Variants in TMEM171 observed in about 807,000 individuals in gnomAD.
TMEM171 encodes transmembrane protein 171, also known as proline-rich protein PRP2.
Under a neutral mutation model 19.1 loss-of-function variants are expected in TMEM171, and 16 were observed. The observed-to-expected ratio is 0.84, with a 90% CI of 0.57 to 1.27. The LOEUF is 1.27. TMEM171 is among the 50% of genes most tolerant of loss of function. TMEM171 has a pLI of 0.00. For synonymous variants in TMEM171, 153 were observed against 163.4 expected, an observed-to-expected ratio of 0.94 and a Z score of 0.48; for missense variants, 429 against 412.7, an observed-to-expected ratio of 1.04 and a Z score of -0.34.
At chr5:73,127,369 T>TAAAAAAAAAA (rs150651292) in intron 2 of TMEM171, among the ~76,000 whole-genome samples, 31 of 97,172 alleles carry the variant, frequency 3.2e-4, no homozygotes, top group East Asian at 2.0e-3. Flanking sequence ...AAATTTGTGG[T>TAAAAAAAAAA]AAAAAAAAAA....
intron 2 of TMEM171, among the ~76,000 whole-genome samples, chr5:73,127,964 C>T (rs1343921029): frequency 6.6e-6 from 1 of 151,714 alleles, no homozygotes; most frequent in Non-Finnish European, 1.5e-5. Flanking sequence ...AGGCTGGTCT[C>T]CAACTCCTGG....
At position 73,123,597 on chromosome 5, in the gene TMEM171, T is replaced by C; in HGVS notation, c.224T>C (p.Ile75Thr). Residue 75 changes from isoleucine to threonine, a missense_variant, in exon 2 of 4, where the codon ATC (isoleucine) becomes ACC (threonine). Physicochemically the swap from Ile to Thr is moderately conservative, Grantham distance 89. Coordinates refer to ENST00000454765, the MANE Select transcript of TMEM171 (RefSeq NM_173490.8). ...ACAVVGLGAV[I>T]LARSRAQLQL... The stretch of plus-strand genomic sequence containing the variant: ...GCCGTGGTTGGGCTTGGGGCTGTGA[T>C]CCTGGCCCGCTCCCGGGCGCAACTT... The C allele has an allele frequency of 6.2e-7, 1 of 1,614,206 alleles. No individual in the cohort carries two copies. The highest frequency in any genetic ancestry group is 8.5e-7 in the Non-Finnish European group (1 of 1,180,036).
At chr5:73,121,070 G>T (rs1743995127) in intron 1 of TMEM171, among the ~76,000 whole-genome samples, 1 of 152,144 alleles carries the variant, frequency 6.6e-6, no homozygotes, top group African/African-American at 2.4e-5. Flanking sequence ...GTGAATGTGG[G>T]TGTCTTTGTA....
chr5:73,124,157 T>G lies in TMEM171; in HGVS notation c.640+144T>G, dbSNP rs1744103185. 5.6e-6 allele frequency: 4 copies of G among 711,202 alleles called. No homozygotes were observed. The East Asian group carries it at 1.1e-4, about 20-fold the overall frequency. 44.1% of individuals were successfully genotyped at this position (711,202 alleles called of 1,614,324 possible). On this transcript the variant is annotated intron_variant, in intron 2 of 3. Transcript: ENST00000454765. ...GTGTGTGCACACGCACACACCCCCA[T>G]CATGTGTACATACACAATGGTGCTG...
chr5:73,120,723 C>G lies in TMEM171; in HGVS notation c.-69+27C>G, dbSNP rs573827491. The G allele has an allele frequency of 7.6e-4, 749 of 983,602 alleles. 3 individuals carry two copies. The African/African-American group carries it at 9.3e-3, about 12-fold the overall frequency. 60.9% of individuals were successfully genotyped at this position (983,602 alleles called of 1,614,324 possible). ...TAAGCTGCCCCGGCCCGCGCGCCTG[C>G]GCCGGCGGCGGCGGGTCGGGCGCTG... On this transcript the variant is annotated intron_variant, in intron 1 of 3. Coordinates refer to ENST00000454765, the MANE Select transcript of TMEM171 (RefSeq NM_173490.8).
intron 3 of TMEM171, among the ~76,000 whole-genome samples, chr5:73,130,847 C>CTAATGAT (rs1744335721): frequency 6.6e-6 from 1 of 152,112 alleles, no homozygotes; most frequent in Non-Finnish European, 1.5e-5. Flanking sequence ...TAAACTTCCC[C>CTAATGAT]AAACCCTAAA....
Position 73,123,612 on chromosome 5 carries a change from G to T in TMEM171, c.239G>T (p.Arg80Leu), listed in dbSNP as rs763675283. The change falls in exon 2 of 4, where the codon CGG (arginine) becomes CTG (leucine). Residue 80 changes from arginine (R) to leucine (L), a missense_variant. Arg to Leu is a moderately radical substitution (Grantham distance 102). Coordinates refer to ENST00000454765, the MANE Select transcript of TMEM171 (RefSeq NM_173490.8). ...GGGGCTGTGATCCTGGCCCGCTCCC[G>T]GGCGCAACTTCAGCTCCGTGCAGGG... ...GLGAVILARS[R>L]AQLQLRAGLQ... is the part of the protein sequence containing the mutation. 8 of 1,614,086 alleles carry T rather than the reference G, an allele frequency of 5.0e-6. No homozygotes were observed. The highest frequency in any genetic ancestry group is 6.8e-6 in the Non-Finnish European group (8 of 1,180,054).
rs565001905 is a variant in TMEM171 at position 73,123,678 on chromosome 5, T to A, written c.305T>A (p.Ile102Asn). 1.7e-5 allele frequency: 27 copies of A among 1,614,180 alleles called. No homozygotes were observed. The South Asian group carries it at 2.7e-4, about 16-fold the overall frequency. ...CAGATGGACCCCGACCGAGCCTTCA[T>A]CTGTGGAGAGAGCCGCCAGTTTGCC... ...GQQMDPDRAFICGESRQFAQC... is the reference protein window; with the variant it reads ...GQQMDPDRAFNCGESRQFAQC... Residue 102 changes from isoleucine to asparagine, a missense_variant, in exon 2 of 4, where the codon ATC (isoleucine) becomes AAC (asparagine). Ile to Asn is a moderately radical substitution (Grantham distance 149, BLOSUM62 -3). Coordinates refer to ENST00000454765, the MANE Select transcript of TMEM171 (RefSeq NM_173490.8).
intron 1 of TMEM171, among the ~76,000 whole-genome samples, chr5:73,121,686 C>A (rs1724654974): frequency 6.6e-6 from 1 of 152,110 alleles, no homozygotes; most frequent in Non-Finnish European, 1.5e-5. Context: ...CAACTTCCTT[C>A]TGATTCTATC....
chr5:73,123,201 C>G (rs1382134629), intron 1 of TMEM171, 105 bp from the exon 2 acceptor site: 6 of 964,624 alleles, frequency 6.2e-6, no homozygotes, highest in Non-Finnish European at 8.9e-6. Context: ...AAGTTCTACC[C>G]CCAAGGCCTC....
chr5:73,121,643 G>C (rs560050730), intron 1 of TMEM171, among the ~76,000 whole-genome samples: 1 of 152,162 alleles, frequency 6.6e-6, no homozygotes. Flanking sequence ...TGAAATGAAA[G>C]CTTTTTTCCC....
intron 2 of TMEM171, among the ~76,000 whole-genome samples, chr5:73,125,602 A>T (rs1744141542): frequency 6.6e-6 from 1 of 152,192 alleles, no homozygotes; most frequent in South Asian, 2.1e-4. Flanking sequence ...TTAATTTGAT[A>T]GATGTTCTTA....
chr5:73,126,675 A>C (rs1417669132), intron 2 of TMEM171, among the ~76,000 whole-genome samples: 1 of 152,204 alleles, frequency 6.6e-6, no homozygotes, highest in East Asian at 1.9e-4. Context: ...GTGGCGGCTG[A>C]GGTCAAGGAG....
At chr5:73,120,766 G>A (rs1253745595) in intron 1 of TMEM171, 70 bp downstream of exon 1, 11 of 983,332 alleles carry the variant, frequency 1.1e-5, no homozygotes, top group South Asian at 4.7e-5. Flanking sequence ...CGGCCAGGCT[G>A]GGCGCGGGGA....
chr5:73,125,274 A>C (rs1744130059), intron 2 of TMEM171, among the ~76,000 whole-genome samples: 1 of 152,206 alleles, frequency 6.6e-6, no homozygotes, highest in African/African-American at 2.4e-5. Flanking sequence ...TTTTTGTGCC[A>C]AACACCCATT....
intron 3 of TMEM171, among the ~76,000 whole-genome samples, chr5:73,129,707 A>G (rs1024491748): frequency 6.6e-6 from 1 of 152,208 alleles, no homozygotes; most frequent in Non-Finnish European, 1.5e-5. Context: ...GGCCCCTGCT[A>G]TGCTAGGCTT....
At chr5:73,131,315 C>A (rs1175492951) in intron 3 of TMEM171, among the ~76,000 whole-genome samples, 7 of 151,918 alleles carry the variant, frequency 4.6e-5, no homozygotes, top group Non-Finnish European at 1.0e-4. Context: ...AAGGGAATGA[C>A]AGCAGGAGTG....
chr5:73,127,287 A>G (rs1176498977), intron 2 of TMEM171, among the ~76,000 whole-genome samples: 1 of 150,954 alleles, frequency 6.6e-6, no homozygotes, highest in African/African-American at 2.4e-5. Flanking sequence ...TAGACTTGCT[A>G]CAAAATATAG....
chr5:73,124,024 G>A lies in TMEM171; in HGVS notation c.640+11G>A, dbSNP rs750718474. On this transcript the variant is annotated intron_variant, in intron 2 of 3. Transcript: ENST00000454765. ...TCCAGGTCACTGTAGGTGGGTTGCT[G>A]TTATTTGCGTTCTTGCTTCTATCAC... is the stretch of plus-strand genomic sequence containing the variant. The A allele has an allele frequency of 2.0e-6, 3 of 1,517,734 alleles. No homozygotes were observed. Among genetic ancestry groups the A allele is most frequent in the Non-Finnish European group, 2.6e-6 (3 of 1,133,424 alleles). 94.0% of individuals were successfully genotyped at this position (1,517,734 alleles called of 1,614,324 possible). A position where few individuals can be genotyped will look rare whatever the true frequency, so the allele number is the denominator to read the frequency against.
Sources: allele counts gnomAD v4.1 joint callset (sites outside exome capture counted in the v4.1 genomes callset), GRCh38; gene constraint gnomAD v4.1.1; transcripts MANE v1.5; gene names NCBI Gene and HGNC (gene_info 2026-07-23, HGNC 2026-07-21).